Variants in EPHA6 observed in about 807,000 individuals in gnomAD.
EPHA6 encodes the protein ephrin type-A receptor 6.
In EPHA6, 50 loss-of-function variants were observed where a neutral mutation model predicts 112.0. That is an observed-to-expected ratio of 0.45 (90% CI 0.36 to 0.56). The LOEUF is 0.56. Ranked by LOEUF, EPHA6 falls within the 20% of genes least tolerant of loss-of-function variation. The pLI, the probability that EPHA6 is intolerant of heterozygous loss-of-function variation, is 0.00. For missense variants in EPHA6, 1,280 were observed against 1,417.4 expected, an observed-to-expected ratio of 0.90 and a Z score of 1.56; for synonymous variants, 529 against 490.7, an observed-to-expected ratio of 1.08 and a Z score of -1.03.
In EPHA6 at chr3:97,749,046, T is replaced by G. The variant is rs1292784406; in HGVS notation, c.*345T>G. 2.7e-5 allele frequency: 8 copies of G among 298,488 alleles called. No individual in the cohort carries two copies. Among genetic ancestry groups the G allele is most frequent in the African/African-American group, 1.6e-4 (8 of 48,722 alleles). The allele number at this position is 298,488 out of a possible 1,614,324, so 18.5% of individuals were successfully genotyped here. On this transcript the variant is annotated 3_prime_UTR_variant, in exon 18 of 18. Coordinates refer to ENST00000389672, the MANE Select transcript of EPHA6 (RefSeq NM_001080448.3). Reference sequence around the variant, plus strand: ...TATCCAGGTGGGGCTTCCTTAGTGATGTATGTAGAGTGTGATGGTAGATGA... The same window carrying G: ...TATCCAGGTGGGGCTTCCTTAGTGAGGTATGTAGAGTGTGATGGTAGATGA...
chr3:97,061,455 C>A (rs2046019217), intron 3 of EPHA6, among the ~76,000 whole-genome samples: 1 of 152,118 alleles, frequency 6.6e-6, no homozygotes, highest in Admixed American at 6.6e-5. Flanking sequence ...TGTTCTTGTA[C>A]CTCAAGTAGA....
chr3:97,345,961 T>G (rs1290318103), intron 5 of EPHA6, among the ~76,000 whole-genome samples: 1 of 152,112 alleles, frequency 6.6e-6, no homozygotes, highest in Admixed American at 6.6e-5. Context: ...AAGACTATCT[T>G]GAAAAAATTG....
intron 2 of EPHA6, among the ~76,000 whole-genome samples, chr3:96,943,542 G>A (rs2041092559): frequency 6.6e-6 from 1 of 152,184 alleles, no homozygotes; most frequent in Non-Finnish European, 1.5e-5. Flanking sequence ...TAGCTGTTCT[G>A]TGAATAGAAG....
rs1311592120 is a variant in EPHA6 at position 97,750,497 on chromosome 3, C to G, written c.*1796C>G. On this transcript the variant is annotated 3_prime_UTR_variant, in exon 18 of 18. Coordinates refer to ENST00000389672, the MANE Select transcript of EPHA6 (RefSeq NM_001080448.3). Reference sequence around the variant, plus strand: ...TCAGCCACCCGAGTAGCTGGGATTACAGGCGCCTGCCACCACTCCCGGCTA... The same window carrying G: ...TCAGCCACCCGAGTAGCTGGGATTAGAGGCGCCTGCCACCACTCCCGGCTA... 1.3e-5 allele frequency among the ~76,000 whole-genome samples: 2 copies of G among 151,986 alleles called. No individual in the cohort carries two copies. Among genetic ancestry groups the G allele is most frequent in the African/African-American group, 2.4e-5 (1 of 41,384 alleles).
intron 7 of EPHA6, among the ~76,000 whole-genome samples, chr3:97,463,094 A>T (rs1326444314): frequency 6.6e-6 from 1 of 152,186 alleles, no homozygotes; most frequent in African/African-American, 2.4e-5. Flanking sequence ...ACAAAAAAAG[A>T]TGAATTTTTA....
intron 5 of EPHA6, among the ~76,000 whole-genome samples, chr3:97,278,671 C>T (rs1188608260): frequency 6.6e-6 from 1 of 152,170 alleles, no homozygotes; most frequent in African/African-American, 2.4e-5. Context: ...AGAAAAACAA[C>T]ACAGTTAAGC....
rs34766006 is a variant in EPHA6 at position 97,619,433 on chromosome 3, A to AGGG, written c.2574+8589_2574+8591dup. Among the ~76,000 whole-genome samples, 211 of 113,314 alleles carry AGGG rather than the reference A, an allele frequency of 1.9e-3. 5 individuals are homozygous for AGGG. The highest frequency in any genetic ancestry group is 3.2e-3 in the Non-Finnish European group (162 of 50,432). The allele number at this position is 113,314 out of a possible 152,430, so 74.3% of individuals were successfully genotyped here. A position where few individuals can be genotyped will look rare whatever the true frequency, so the allele number is the denominator to read the frequency against. On this transcript the variant is annotated intron_variant, in intron 13 of 17. Transcript: ENST00000389672. ...TACAGAGCAATCAGACAATAGAAAA[A>AGGG]GGGGGGGGGGGGCATCCAAATAGGA...
chr3:97,408,004 G>A (rs1396388996), intron 6 of EPHA6, among the ~76,000 whole-genome samples: 1 of 152,074 alleles, frequency 6.6e-6, no homozygotes, highest in African/African-American at 2.4e-5. Context: ...AGATCAAGGT[G>A]CCAATAGGTT....
chr3:97,307,987 T>C (rs1487761191), intron 5 of EPHA6, among the ~76,000 whole-genome samples: 1 of 151,748 alleles, frequency 6.6e-6, no homozygotes, highest in East Asian at 1.9e-4. Context: ...CAACCTTTTT[T>C]TTTGTGTTCC....
At chr3:97,003,574 G>C (rs994675640) in intron 3 of EPHA6, among the ~76,000 whole-genome samples, 1 of 152,074 alleles carries the variant, frequency 6.6e-6, no homozygotes. Context: ...TGACTTGTAG[G>C]ATACAAATTA....
chr3:97,270,419 G>A (rs2079839853), intron 5 of EPHA6, among the ~76,000 whole-genome samples: 1 of 152,168 alleles, frequency 6.6e-6, no homozygotes, highest in Non-Finnish European at 1.5e-5. Flanking sequence ...TGTGCTTAAA[G>A]CATGTTAGCA....
At position 97,226,384 on chromosome 3, in the gene EPHA6, G is replaced by A; in HGVS notation, c.1235G>A (p.Arg412Gln). 1.2e-6 allele frequency: 2 copies of A among 1,613,360 alleles called. No homozygotes were observed. Among genetic ancestry groups the A allele is most frequent in the Non-Finnish European group, 1.7e-6 (2 of 1,179,530 alleles). ...TGTCAGTGTGAAAAGGGTTATTTCC[G>A]AGCTGAAAAAGACCCACCTTCTATG... ...SVCQCEKGYF[R>Q]AEKDPPSMAC... The change falls in exon 4 of 18, where the codon CGA (arginine) becomes CAA (glutamine). Residue 412 changes from arginine to glutamine, a missense_variant. Around this residue, in one of 4 missense-constraint regions of EPHA6, gnomAD observed 878 missense variants for 999.7 expected, o/e 0.88. Transcript: ENST00000389672.
intron 11 of EPHA6, among the ~76,000 whole-genome samples, chr3:97,548,464 C>T (rs2092987718): frequency 6.6e-6 from 1 of 151,938 alleles, no homozygotes; most frequent in East Asian, 1.9e-4. Flanking sequence ...TTGCAAATAT[C>T]CTATTTCTTC....
chr3:97,303,445 A>AAG (rs141147487), intron 5 of EPHA6, among the ~76,000 whole-genome samples: 10 of 150,606 alleles, frequency 6.6e-5, no homozygotes, highest in South Asian at 2.1e-4. Flanking sequence ...AAGACCGAGC[A>AAG]AGAGAGAGAG....
At chr3:97,279,676 T>C (rs1231217368) in intron 5 of EPHA6, among the ~76,000 whole-genome samples, 1 of 152,156 alleles carries the variant, frequency 6.6e-6, no homozygotes. Flanking sequence ...GATTCAAGGA[T>C]GGAAGAATAT....
At chr3:97,323,692 T>G (rs2082229755) in intron 5 of EPHA6, among the ~76,000 whole-genome samples, 1 of 151,962 alleles carries the variant, frequency 6.6e-6, no homozygotes, top group Non-Finnish European at 1.5e-5. Context: ...CTGATAAAAT[T>G]GTAAAACGTA....
At chr3:97,595,904 T>C (rs1005416116) in intron 12 of EPHA6, among the ~76,000 whole-genome samples, 8 of 90,156 alleles carry the variant, frequency 8.9e-5, no homozygotes, top group South Asian at 6.0e-4. Context: ...CATATTCTCT[T>C]TTTTTTTTTT....
chr3:96,937,461 T>A (rs879656318), intron 2 of EPHA6, among the ~76,000 whole-genome samples: 22 of 151,946 alleles, frequency 1.4e-4, no homozygotes, highest in Admixed American at 1.4e-3. Context: ...GTTGTTTGTT[T>A]TTTCTTGTGA....
At chr3:97,047,114 T>C (rs1443735102) in intron 3 of EPHA6, among the ~76,000 whole-genome samples, 1 of 152,046 alleles carries the variant, frequency 6.6e-6, no homozygotes, top group Non-Finnish European at 1.5e-5. Flanking sequence ...GGTATAATGA[T>C]AGGGTGTATA....
Sources: gnomAD v4.1 joint callset for allele counts (sites outside exome capture counted in the v4.1 genomes callset) on GRCh38, gnomAD v4.1.1 for gene constraint, gnomAD v4.1.1 regional missense constraint, MANE v1.5 for transcripts, NCBI Gene and HGNC (gene_info 2026-07-23, HGNC 2026-07-21) for gene names.